The following PPP3CB variants were observed in gnomAD, a reference collection of about 807,000 sequenced individuals.
The protein encoded by PPP3CB is serine/threonine-protein phosphatase 2B catalytic subunit beta isoform.
PPP3CB carries 8 observed loss-of-function variants against 66.4 expected under a neutral mutation model. The ratio of observed to expected loss-of-function variants is 0.12; its 90% CI spans 0.07 to 0.22. The LOEUF (loss-of-function observed/expected upper bound fraction) is 0.22, where lower values mean the gene tolerates loss of function less well. PPP3CB is among the 10% of genes least tolerant of loss of function. The pLI is 1.00. For missense variants in PPP3CB, 319 were observed against 642.5 expected (o/e 0.50, Z 5.44); for synonymous variants, 208 against 221.2 (o/e 0.94, Z 0.53).
chr10:73,449,539 T>C (rs1260103737), intron 10 of PPP3CB, among the ~76,000 whole-genome samples: 1 of 152,218 alleles, frequency 6.6e-6, no homozygotes, highest in Non-Finnish European at 1.5e-5. Context: ...GCAACACATA[T>C]GGATTATGTA....
chr10:73,454,216 A>G (rs1419350490), intron 10 of PPP3CB, among the ~76,000 whole-genome samples, 196 bp downstream of exon 10: 1 of 152,054 alleles, frequency 6.6e-6, no homozygotes, highest in Non-Finnish European at 1.5e-5. Flanking sequence ...CTTCTTCCCC[A>G]TATTACAATA....
chr10:73,487,986 G>A (rs2057013802), intron 1 of PPP3CB, among the ~76,000 whole-genome samples: 1 of 151,820 alleles, frequency 6.6e-6, no homozygotes, highest in Non-Finnish European at 1.5e-5. Flanking sequence ...TCACCATGTT[G>A]GCCAGGCTGG....
chr10:73,471,442 AT>A, intron 5 of PPP3CB, 25 bp downstream of exon 5: 1 of 1,575,866 alleles, frequency 6.3e-7, no homozygotes, highest in Non-Finnish European at 8.6e-7. Context: ...ATAGAAATCA[AT>A]CTCGGAAGTA....
rs1354464320 is a variant in PPP3CB, at chr10:73,444,837, T to A, written c.1269-15A>T. Reference sequence around the variant, plus strand: ...CACTCTCCTCCCTATAGCAGAGAGATATAACAAATATCAGATACTTCCAAC... The same window carrying A: ...CACTCTCCTCCCTATAGCAGAGAGAAATAACAAATATCAGATACTTCCAAC... On this transcript the variant is annotated splice_polypyrimidine_tract_variant and intron_variant, in intron 11 of 13. Coordinates refer to ENST00000360663, the MANE Select transcript of PPP3CB (RefSeq NM_021132.4). 4 of 1,610,152 alleles carry A rather than the reference T, an allele frequency of 2.5e-6. No homozygotes were observed. The highest frequency in any genetic ancestry group is 2.2e-5 in the South Asian group (2 of 90,930).
chr10:73,488,552 T>TAA (rs74262587), intron 1 of PPP3CB, among the ~76,000 whole-genome samples: 10 of 84,684 alleles, frequency 1.2e-4, no homozygotes, highest in South Asian at 3.7e-4. Flanking sequence ...TCTTGAGGGT[T>TAA]AAAAAAAAAA....
At chr10:73,486,772 C>T (rs891931585) in intron 1 of PPP3CB, among the ~76,000 whole-genome samples, 10 of 152,282 alleles carry the variant, frequency 6.6e-5, no homozygotes, top group South Asian at 4.2e-4. Context: ...CTCTTAGCTC[C>T]GCATTAGCAC....
chr10:73,439,812 T>C (rs2056117621), intron 13 of PPP3CB, 60 bp downstream of exon 13: 13 of 1,558,600 alleles, frequency 8.3e-6, no homozygotes, highest in Non-Finnish European at 1.1e-5. Context: ...CCACAGGACA[T>C]TCTCTGATGC....
chr10:73,487,564 C>CAAA (rs746889105), intron 1 of PPP3CB, among the ~76,000 whole-genome samples: 78 of 65,216 alleles, frequency 1.2e-3, no homozygotes, highest in African/African-American at 4.1e-3. Context: ...AAACCAAAAC[C>CAAA]AAAAAAAAAA....
intron 9 of PPP3CB, among the ~76,000 whole-genome samples, chr10:73,460,302 A>T (rs2056501408): frequency 2.0e-5 from 3 of 149,518 alleles, no homozygotes; most frequent in South Asian, 2.1e-4. Flanking sequence ...ACAGCACAGT[A>T]GTTAGAAAAT....
At chr10:73,471,722 C>G in intron 4 of PPP3CB, 109 bp from the exon 5 acceptor site, 2 of 802,896 alleles carry the variant, frequency 2.5e-6, no homozygotes, top group Non-Finnish European at 3.8e-6. Context: ...TCCTTTATAT[C>G]TTATAGCTAT....
chr10:73,459,235 T>C (rs1456160708), intron 9 of PPP3CB, among the ~76,000 whole-genome samples: 1 of 152,240 alleles, frequency 6.6e-6, no homozygotes, highest in Non-Finnish European at 1.5e-5. Flanking sequence ...ACGCCTGTAA[T>C]CCCAGCACTT....
intron 3 of PPP3CB, among the ~76,000 whole-genome samples, chr10:73,477,734 T>C (rs1044840077): frequency 3.3e-5 from 5 of 152,004 alleles, no homozygotes; most frequent in Admixed American, 2.6e-4. Flanking sequence ...CTGGGCAACA[T>C]AGGAAACTCC....
At chr10:73,485,403 T>C (rs1426919108) in intron 1 of PPP3CB, among the ~76,000 whole-genome samples, 2 of 152,194 alleles carry the variant, frequency 1.3e-5, no homozygotes, top group Non-Finnish European at 2.9e-5. Flanking sequence ...GAGAATTAAC[T>C]GATCCTGTTC....
At chr10:73,476,759 G>C (rs1417838041) in intron 3 of PPP3CB, among the ~76,000 whole-genome samples, 2 of 151,574 alleles carry the variant, frequency 1.3e-5, no homozygotes, top group Non-Finnish European at 2.9e-5. Context: ...TGTTAAAATG[G>C]GCCATTTTCT....
chr10:73,445,081 T>C (rs1360130975), intron 11 of PPP3CB, among the ~76,000 whole-genome samples: 1 of 152,218 alleles, frequency 6.6e-6, no homozygotes, highest in African/African-American at 2.4e-5. Context: ...AGGGGCATCA[T>C]ACTATTGAGA....
intron 1 of PPP3CB, among the ~76,000 whole-genome samples, chr10:73,482,722 A>G (rs1299205820): frequency 6.6e-6 from 1 of 151,596 alleles, no homozygotes; most frequent in African/African-American, 2.4e-5. Context: ...GGTTCAAGCG[A>G]TCCTCCTGCC....
In PPP3CB at chr10:73,471,494, T is replaced by C. The variant is rs1032604343; in HGVS notation, c.643A>G (p.Ile215Val). The C allele has an allele frequency of 1.2e-6, 2 of 1,610,782 alleles. No homozygotes were observed. Among genetic ancestry groups the C allele is most frequent in the Admixed American group, 1.7e-5 (1 of 59,476 alleles). Residue 215 changes from isoleucine (I) to valine (V), a missense_variant, in exon 5 of 14, where the codon ATA (isoleucine) becomes GTA (valine). Physicochemically the swap from Ile to Val is conservative, Grantham distance 29. Coordinates refer to ENST00000360663, the MANE Select transcript of PPP3CB (RefSeq NM_021132.4). ...LCVHGGLSPE[I>V]HTLDDIRRLD... is the part of the protein sequence containing the mutation. ...CTCCTAATATCATCCAGTGTGTGTA[T>C]TTCTGGTGAAAGTCCACCATGAACA...
At chr10:73,483,714 G>A (rs2056921741) in intron 1 of PPP3CB, among the ~76,000 whole-genome samples, 1 of 152,028 alleles carries the variant, frequency 6.6e-6, no homozygotes, top group Non-Finnish European at 1.5e-5. Context: ...GAGAAAAAAG[G>A]CACGTATAGT....
chr10:73,467,285 A>AG (rs1237450264), intron 9 of PPP3CB: 222 of 157,220 alleles, frequency 1.4e-3, no homozygotes, highest in African/African-American at 2.8e-3. Flanking sequence ...TAAGCTAAAG[A>AG]AAAAAAAAAA....
Sources: allele counts gnomAD v4.1 joint callset (sites outside exome capture counted in the v4.1 genomes callset), GRCh38; gene constraint gnomAD v4.1.1; transcripts MANE v1.5; gene names NCBI Gene and HGNC (gene_info 2026-07-23, HGNC 2026-07-21).